Variants in ATP2C2 observed in about 807,000 individuals in gnomAD.
ATP2C2 encodes calcium-transporting ATPase type 2C member 2.
In ATP2C2, 171 loss-of-function variants were observed where a neutral mutation model predicts 110.8. The observed-to-expected ratio is 1.54, with a 90% CI of 1.36 to 1.75. The LOEUF (loss-of-function observed/expected upper bound fraction) is 1.75, where lower values mean the gene tolerates loss of function less well. ATP2C2 is among the 40% of genes most tolerant of loss of function. The pLI is 0.00. For synonymous variants in ATP2C2, 804 were observed against 508.4 expected, an observed-to-expected ratio of 1.58 and a Z score of -7.82; for missense variants, 1,963 against 1,235.0, an observed-to-expected ratio of 1.59 and a Z score of -8.84.
intron 17 of ATP2C2, among the ~76,000 whole-genome samples, chr16:84,451,219 C>G (rs989295383): frequency 6.6e-6 from 1 of 152,140 alleles, no homozygotes; most frequent in African/African-American, 2.4e-5. Flanking sequence ...CATCAGCTCT[C>G]CTGAGATGTA....
chr16:84,426,819 C>T (rs1907852298), intron 11 of ATP2C2, among the ~76,000 whole-genome samples: 1 of 152,190 alleles, frequency 6.6e-6, no homozygotes, highest in Admixed American at 6.5e-5. Flanking sequence ...TGGGAGTCAT[C>T]ATCACTTGAT....
intron 7 of ATP2C2, among the ~76,000 whole-genome samples, chr16:84,419,429 G>C (rs1454780943): frequency 6.6e-6 from 1 of 152,020 alleles, no homozygotes; most frequent in South Asian, 2.1e-4. Flanking sequence ...GAGGACCCTC[G>C]TGATCTCACG....
chr16:84,429,451 C>A (rs1256794070), intron 11 of ATP2C2, among the ~76,000 whole-genome samples: 1 of 152,196 alleles, frequency 6.6e-6, no homozygotes, highest in Admixed American at 6.5e-5. Context: ...GTGCTTCCAG[C>A]CTTCGTGGAG....
At chr16:84,418,883 A>G (rs1336893699) in intron 7 of ATP2C2, among the ~76,000 whole-genome samples, 1 of 152,130 alleles carries the variant, frequency 6.6e-6, no homozygotes, top group Non-Finnish European at 1.5e-5. Flanking sequence ...GGAGGTCAAA[A>G]TTGAAATCGT....
In ATP2C2 at chr16:84,442,977, G is replaced by A. The variant is rs559720389; in HGVS notation, c.1401+378G>A. The stretch of plus-strand genomic sequence containing the variant: ...GGGGCTGGTTCCTGGGAATGTATTC[G>A]ATTGACTCCGGGGTTCAGTGTTAGA... On this transcript the variant is annotated intron_variant, in intron 15 of 26. Coordinates refer to ENST00000262429, the MANE Select transcript of ATP2C2 (RefSeq NM_014861.4). Among the ~76,000 whole-genome samples, 47 of 152,200 alleles carry A rather than the reference G, an allele frequency of 3.1e-4. 1 individual carries two copies. Among genetic ancestry groups the A allele is most frequent in the African/African-American group, 8.9e-4 (37 of 41,524 alleles).
At chr16:84,460,930 T>G in intron 24 of ATP2C2, 129 bp downstream of exon 24, 1 of 1,323,084 alleles carries the variant, frequency 7.6e-7, no homozygotes, top group Non-Finnish European at 1.0e-6. Context: ...CCGGACAATG[T>G]GATGCCATCA....
At chr16:84,401,360 G>T (rs906542309) in intron 2 of ATP2C2, among the ~76,000 whole-genome samples, 9 of 151,774 alleles carry the variant, frequency 5.9e-5, no homozygotes, top group Admixed American at 4.6e-4. Context: ...TAGTAGCTGG[G>T]ATTACAGGCA....
chr16:84,437,910 C>A (rs1325637524), intron 11 of ATP2C2, among the ~76,000 whole-genome samples: 2 of 152,198 alleles, frequency 1.3e-5, no homozygotes, highest in Non-Finnish European at 2.9e-5. Context: ...CCTAAGCAAT[C>A]GCTCATCTTT....
At chr16:84,459,049 C>A in intron 21 of ATP2C2, 71 bp from the exon 22 acceptor site, 1 of 1,543,244 alleles carries the variant, frequency 6.5e-7, no homozygotes, top group Non-Finnish European at 8.9e-7. Flanking sequence ...CTGCCCCTTG[C>A]AGCAACCGAT....
chr16:84,461,861 G>T (rs550159854), intron 25 of ATP2C2, 49 bp downstream of exon 25: 3 of 1,607,204 alleles, frequency 1.9e-6, no homozygotes, highest in African/African-American at 2.7e-5. Flanking sequence ...GTGTGTTCTC[G>T]ACAGCAGCGC....
chr16:84,463,815 G>T lies in ATP2C2; in HGVS notation c.*83G>T. 1 of 1,244,536 alleles carries T rather than the reference G, an allele frequency of 8.0e-7. No homozygotes were observed. The highest frequency in any genetic ancestry group is 1.2e-6 in the Non-Finnish European group (1 of 856,212). 77.1% of individuals were successfully genotyped at this position (1,244,536 alleles called of 1,614,324 possible). On this transcript the variant is annotated 3_prime_UTR_variant, in exon 27 of 27. Coordinates refer to ENST00000262429, the MANE Select transcript of ATP2C2 (RefSeq NM_014861.4). Reference sequence around the variant, plus strand: ...CCTGCCGTGTCTCCTCGTCAGGGGAGACTTTTAGGAGGCCGCAGCCTTCCA... The same window carrying T: ...CCTGCCGTGTCTCCTCGTCAGGGGATACTTTTAGGAGGCCGCAGCCTTCCA...
At chr16:84,404,794 T>A (rs938831705) in intron 2 of ATP2C2, 76 of 362,896 alleles carry the variant, frequency 2.1e-4, no homozygotes, top group African/African-American at 1.5e-3. Context: ...CTGCACCATT[T>A]TACATTCCCA....
intron 6 of ATP2C2, among the ~76,000 whole-genome samples, chr16:84,412,899 C>A (rs912587883): frequency 2.0e-5 from 3 of 151,646 alleles, no homozygotes; most frequent in Non-Finnish European, 4.4e-5. Context: ...AGTTCAAGAC[C>A]AGCCTGGCCA....
In ATP2C2 at chr16:84,445,425, GTC is replaced by G. The variant is rs374753656; in HGVS notation, c.1402-902_1402-901del. Among the ~76,000 whole-genome samples, 901 of 152,138 alleles carry G rather than the reference GTC, an allele frequency of 5.9e-3. 11 individuals carry two copies. Among genetic ancestry groups the G allele is most frequent in the African/African-American group, 0.02 (842 of 41,496 alleles). ...GGGTTTCACCATGTTAGTCAGGATG[GTC>G]TTGATCTCCTCACCCCGTGATCCAC... On this transcript the variant is annotated intron_variant, in intron 15 of 26. Coordinates refer to ENST00000262429, the MANE Select transcript of ATP2C2 (RefSeq NM_014861.4).
At chr16:84,440,336 T>C (rs4782625) in intron 13 of ATP2C2, among the ~76,000 whole-genome samples, 59,352 of 152,126 alleles carry the variant, frequency 0.39, 11,998 homozygotes, top group East Asian at 0.55. Flanking sequence ...TTTTTTATCC[T>C]GATATTTTTT....
intron 4 of ATP2C2, among the ~76,000 whole-genome samples, chr16:84,408,873 G>A (rs993116157): frequency 5.3e-5 from 8 of 151,296 alleles, no homozygotes; most frequent in African/African-American, 1.9e-4. Flanking sequence ...TTTTTATTTA[G>A]ATGAAATTCA....
intron 1 of ATP2C2, among the ~76,000 whole-genome samples, chr16:84,392,374 G>T (rs541700581): frequency 6.6e-6 from 1 of 152,094 alleles, no homozygotes; most frequent in Non-Finnish European, 1.5e-5. Flanking sequence ...ACTGCTTCAC[G>T]CTGGTTTATT....
chr16:84,452,143 C>T (rs12149888), intron 18 of ATP2C2, 52 bp downstream of exon 18: 418,166 of 1,598,302 alleles, frequency 0.26, 57,550 homozygotes, highest in Non-Finnish European at 0.29. Flanking sequence ...CCATCCTTTA[C>T]GATGGGGGGC....
intron 1 of ATP2C2, among the ~76,000 whole-genome samples, chr16:84,388,024 G>T (rs1188597878): frequency 6.6e-6 from 1 of 151,538 alleles, no homozygotes; most frequent in Non-Finnish European, 1.5e-5. Context: ...GTGTGTTTTT[G>T]TAAGAACCAG....
Sources: allele counts gnomAD v4.1 joint callset (sites outside exome capture counted in the v4.1 genomes callset), GRCh38; gene constraint gnomAD v4.1.1; transcripts MANE v1.5; gene names NCBI Gene and HGNC (gene_info 2026-07-23, HGNC 2026-07-21).